The following SCAF8 variants were observed in gnomAD, a reference collection of about 807,000 sequenced individuals.
SCAF8 encodes the protein SR-related and CTD-associated factor 8.
SCAF8 carries 23 observed loss-of-function variants against 140.5 expected under a neutral mutation model. The observed-to-expected ratio is 0.16, with a 90% CI of 0.12 to 0.23. SCAF8 has a LOEUF of 0.23. Among genes scored for constraint, SCAF8 ranks in the 10% least tolerant of loss-of-function variants. The probability of loss-of-function intolerance (pLI) is 1.00; values close to 1 mark genes in which losing one functional copy is unlikely to be tolerated. For missense variants in SCAF8, 1,397 were observed against 1,555.7 expected, an observed-to-expected ratio of 0.90 and a Z score of 1.72; for synonymous variants, 575 against 528.9, an observed-to-expected ratio of 1.09 and a Z score of -1.20.
Position 154,809,995 on chromosome 6 carries a change from A to G in SCAF8, c.1227-20A>G. On this transcript the variant is annotated intron_variant, in intron 11 of 19. Transcript: ENST00000367178. ...GAAAGAAAACATTGTCATTAGAAGT[A>G]AAATGAAAATTTTTTGTAGATCACC... The G allele has an allele frequency of 6.3e-7, 1 of 1,577,802 alleles. No individual in the cohort carries two copies. Among genetic ancestry groups the G allele is most frequent in the South Asian group, 1.2e-5 (1 of 83,638 alleles).
intron 1 of SCAF8, among the ~76,000 whole-genome samples, chr6:154,754,971 G>A (rs1229344484): frequency 1.3e-5 from 2 of 152,072 alleles, no homozygotes; most frequent in African/African-American, 4.8e-5. Flanking sequence ...GTTTATATCA[G>A]TAGTAAAATC....
At chr6:154,812,176 CTTTT>C (rs67493657) in intron 12 of SCAF8, among the ~76,000 whole-genome samples, 3 of 106,392 alleles carry the variant, frequency 2.8e-5, no homozygotes, top group Non-Finnish European at 5.4e-5. Flanking sequence ...AAGATACTGC[CTTTT>C]TTTTTTTTTT....
chr6:154,829,457 C>T (rs967606106), intron 18 of SCAF8, among the ~76,000 whole-genome samples: 1 of 152,082 alleles, frequency 6.6e-6, no homozygotes, highest in Non-Finnish European at 1.5e-5. Flanking sequence ...TACAGTAATT[C>T]TCCAAGCTTC....
chr6:154,779,781 G>A (rs113085743), intron 3 of SCAF8, among the ~76,000 whole-genome samples: 123 of 144,266 alleles, frequency 8.5e-4, no homozygotes, highest in African/African-American at 2.9e-3. Context: ...GTGTGTGTGT[G>A]TATATATATA....
chr6:154,808,895 A>G (rs1778004578), intron 11 of SCAF8, 97 bp downstream of exon 11: 3 of 809,054 alleles, frequency 3.7e-6, no homozygotes, highest in Non-Finnish European at 5.9e-6. Context: ...CCTTGGGATG[A>G]CATATTTTTT....
At chr6:154,803,428 A>G (rs999141776) in intron 7 of SCAF8, 116 bp from the exon 8 acceptor site, 5 of 723,922 alleles carry the variant, frequency 6.9e-6, no homozygotes, top group African/African-American at 5.4e-5. Context: ...CAAAATGTTT[A>G]TTTACACATT....
intron 18 of SCAF8, among the ~76,000 whole-genome samples, chr6:154,827,871 C>T (rs955981156): frequency 6.7e-6 from 1 of 148,556 alleles, no homozygotes; most frequent in African/African-American, 2.5e-5. Context: ...TTTTTTAGAG[C>T]AGTTTTTTAG....
chr6:154,832,842 A>G lies in SCAF8; in HGVS notation c.3263A>G (p.Asn1088Ser), dbSNP rs1158777937. 5.6e-6 allele frequency: 9 copies of G among 1,614,050 alleles called. No homozygotes were observed. In the South Asian group the frequency reaches 7.7e-5, roughly 14 times the overall value. Residue 1088 changes from asparagine (N) to serine (S), a missense_variant, in exon 20 of 20, where the codon AAT becomes AGT. This residue lies in a region of SCAF8 where 930 missense variants were observed against 874.6 expected (regional missense o/e 1.06). Transcript: ENST00000367178. ...HLGRRDHFGF[N>S]PEKPWGHRGD... ...GGTCGAAGAGACCACTTTGGCTTTA[A>G]TCCAGAGAAGCCCTGGGGGCATAGA...
intron 1 of SCAF8, among the ~76,000 whole-genome samples, chr6:154,755,111 CT>C (rs756607393): frequency 2.6e-5 from 4 of 152,144 alleles, no homozygotes; most frequent in Non-Finnish European, 5.9e-5. Context: ...CCTTCTCATT[CT>C]TTTTATTCTC....
At chr6:154,735,169 C>T (rs759612269) in intron 1 of SCAF8, among the ~76,000 whole-genome samples, 44 of 151,194 alleles carry the variant, frequency 2.9e-4, no homozygotes, top group Non-Finnish European at 5.3e-4. Context: ...ATGCTGGTAA[C>T]TAAATTAGCA....
chr6:154,817,758 T>C (rs1330071645), intron 13 of SCAF8, among the ~76,000 whole-genome samples: 1 of 152,178 alleles, frequency 6.6e-6, no homozygotes, highest in African/African-American at 2.4e-5. Flanking sequence ...AATAAAATGA[T>C]AGAATGCCTT....
At chr6:154,797,673 T>C (rs994350746) in intron 6 of SCAF8, among the ~76,000 whole-genome samples, 3 of 151,318 alleles carry the variant, frequency 2.0e-5, no homozygotes, top group Non-Finnish European at 3.0e-5. Context: ...GGATTACAGG[T>C]GTGAACCACC....
intron 1 of SCAF8, among the ~76,000 whole-genome samples, chr6:154,740,391 C>T (rs1255317456): frequency 2.0e-5 from 3 of 152,096 alleles, no homozygotes; most frequent in Non-Finnish European, 4.4e-5. Flanking sequence ...GGCACAGTGA[C>T]CCTGGTCCAG....
rs771383445 is a variant in SCAF8, at chr6:154,733,881, G to C, written c.-20G>C. 3.2e-6 allele frequency: 5 copies of C among 1,543,444 alleles called. No individual in the cohort carries two copies. Among genetic ancestry groups the C allele is most frequent in the East Asian group, 2.7e-5 (1 of 37,306 alleles). ...CGCCGCCTCTTCCGCCGCCGGGCTC[G>C]GGGCCTCCGCAGCGACAACATGGAG... On this transcript the variant is annotated 5_prime_UTR_variant, in exon 1 of 20. Transcript: ENST00000367178.
chr6:154,751,353 C>T (rs547319950), intron 1 of SCAF8, among the ~76,000 whole-genome samples: 4 of 152,120 alleles, frequency 2.6e-5, no homozygotes, highest in African/African-American at 7.2e-5. Flanking sequence ...CTCAAACTCC[C>T]GAGTAGCTGG....
Position 154,784,142 on chromosome 6 carries a change from TATATATATA to T in SCAF8, c.160-3718_160-3710del, listed in dbSNP as rs1562444147. Among the ~76,000 whole-genome samples the T allele has an allele frequency of 7.1e-4, 63 of 89,274 alleles. 1 individual carries two copies. Among genetic ancestry groups the T allele is most frequent in the South Asian group, 4.5e-3 (9 of 2,020 alleles). The allele number at this position is 89,274 out of a possible 152,430, so 58.6% of individuals were successfully genotyped here. ...TGAGATATATATATATATATATATA[TATATATATA>T]TATATATTTATTTATTTATTTTTCA... On this transcript the variant is annotated intron_variant, in intron 3 of 19. Transcript: ENST00000367178.
chr6:154,794,547 T>G (rs983625105), intron 5 of SCAF8, among the ~76,000 whole-genome samples: 1 of 152,128 alleles, frequency 6.6e-6, no homozygotes, highest in Non-Finnish European at 1.5e-5. Context: ...TTAGTTAGTG[T>G]TGTTAATCTC....
chr6:154,771,500 C>T (rs1482580199), intron 1 of SCAF8, among the ~76,000 whole-genome samples: 3 of 152,096 alleles, frequency 2.0e-5, no homozygotes, highest in African/African-American at 7.2e-5. Flanking sequence ...CTTAAATATA[C>T]AGGTTTTTTT....
In SCAF8 at chr6:154,828,306, C is replaced by T. The variant is rs559477777; in HGVS notation, c.2140+1066C>T. Among the ~76,000 whole-genome samples the T allele has an allele frequency of 3.9e-5, 6 of 152,206 alleles. No individual in the cohort carries two copies. In the East Asian group the frequency reaches 1.2e-3, roughly 29 times the overall value. On this transcript the variant is annotated intron_variant, in intron 18 of 19. Transcript: ENST00000367178. ...TAGTTACCTTGAAGTGTGGTTGGTA[C>T]AGCAAAGTCAGGGTAGATGCTATTT...
Sources: gnomAD v4.1 joint callset for allele counts (sites outside exome capture counted in the v4.1 genomes callset) on GRCh38, gnomAD v4.1.1 for gene constraint, gnomAD v4.1.1 regional missense constraint, MANE v1.5 for transcripts, NCBI Gene and HGNC (gene_info 2026-07-23, HGNC 2026-07-21) for gene names.